The following TMCO1 variants were observed in gnomAD, a reference collection of about 807,000 sequenced individuals.
The protein encoded by TMCO1 is transmembrane and coiled-coil domains 1.
TMCO1 carries 29 observed loss-of-function variants against 29.3 expected under a neutral mutation model. The observed-to-expected ratio is 0.99, with a 90% confidence interval of 0.74 to 1.35. TMCO1 has a LOEUF of 1.35. TMCO1 is among the 40% of genes most tolerant of loss of function. The pLI is 0.00. For synonymous variants in TMCO1, 80 were observed against 77.1 expected (o/e 1.04, Z -0.20); for missense variants, 173 against 225.5 (o/e 0.77, Z 1.49).
At chr1:165,753,642 T>A (rs797021354) in intron 4 of TMCO1, among the ~76,000 whole-genome samples, 6 of 151,666 alleles carry the variant, frequency 4.0e-5, no homozygotes, top group African/African-American at 1.5e-4. Context: ...CAAGACCTCA[T>A]CTCTACAAAA....
chr1:165,725,014 CTCTCTCTCTCTATATA>C (rs781624880), downstream of TMCO1: 919 of 197,324 alleles, frequency 4.7e-3, 12 homozygotes, highest in African/African-American at 0.042. Flanking sequence ...CTCTCTCTCT[CTCTCTCTCTCTATATA>C]TATATATATA....
chr1:165,755,341 A>G (rs1290380439), intron 3 of TMCO1, among the ~76,000 whole-genome samples: 2 of 152,130 alleles, frequency 1.3e-5, no homozygotes, highest in African/African-American at 4.8e-5. Flanking sequence ...CAGGGCCCCA[A>G]ATATATTAAA....
downstream of TMCO1, chr1:165,724,534 T>G: frequency 2.2e-6 from 1 of 454,076 alleles, no homozygotes; most frequent in Non-Finnish European, 4.4e-6. Flanking sequence ...GGGAATTTGT[T>G]AGAGATGCAA....
At chr1:165,742,795 G>C (rs1019542900) in intron 6 of TMCO1, among the ~76,000 whole-genome samples, 1 of 152,130 alleles carries the variant, frequency 6.6e-6, no homozygotes, top group Non-Finnish European at 1.5e-5. Context: ...TTACCACATT[G>C]TTAAACTTAC....
In TMCO1 at chr1:165,730,168, AC is replaced by A. The variant is rs1558028418; in HGVS notation, c.469-2048del. Reference sequence around the variant, plus strand: ...AACCCCGTCTGTACTAAAAATACACACACACAAAAAAAAAAAAATTAGCCGG... The same window carrying A: ...AACCCCGTCTGTACTAAAAATACACAACACAAAAAAAAAAAAATTAGCCGG... On this transcript the variant is annotated intron_variant, in intron 6 of 6. Coordinates refer to ENST00000367881, the MANE Select transcript of TMCO1 (RefSeq NM_019026.6). 1.1e-4 allele frequency among the ~76,000 whole-genome samples: 12 copies of A among 107,586 alleles called. 2 individuals carry two copies. The highest frequency in any genetic ancestry group is 1.4e-4 in the Non-Finnish European group (7 of 51,382). The allele number at this position is 107,586 out of a possible 152,430, so 70.6% of individuals were successfully genotyped here.
rs756172758 is a variant in TMCO1, at chr1:165,768,689, G to A, written c.63C>T (p.Leu21=). Residue 21 remains leucine (L), a synonymous_variant, in exon 1 of 7, where the codon CTC becomes CTT. Transcript: ENST00000367881. The part of the protein sequence containing the change: ...IVFISVCTAL[L]AEGITWVLVY... The stretch of plus-strand genomic sequence containing the variant: ...AGAAATACCCGCTCTCACCCTCTGC[G>A]AGCAGAGCCGTGCACACAGAGATAA... The A allele has an allele frequency of 6.2e-7, 1 of 1,614,050 alleles. No individual in the cohort carries two copies. Among genetic ancestry groups the A allele is most frequent in the Non-Finnish European group, 8.5e-7 (1 of 1,180,010 alleles).
intron 6 of TMCO1, among the ~76,000 whole-genome samples, chr1:165,738,419 A>G (rs1651468004): frequency 6.6e-6 from 1 of 152,244 alleles, no homozygotes; most frequent in Non-Finnish European, 1.5e-5. Flanking sequence ...CTGACTATTC[A>G]TTTCGCAGGC....
intron 5 of TMCO1, among the ~76,000 whole-genome samples, chr1:165,746,944 C>T (rs73022544): frequency 0.013 from 2,022 of 152,126 alleles, 53 homozygotes; most frequent in African/African-American, 0.047. Context: ...AGGAAGATGT[C>T]CAATTAGAAA....
chr1:165,755,318 G>C (rs752217019), intron 3 of TMCO1, among the ~76,000 whole-genome samples: 4 of 152,142 alleles, frequency 2.6e-5, no homozygotes, highest in African/African-American at 7.2e-5. Flanking sequence ...GGCCTAGAAT[G>C]AGTGTATAAA....
At chr1:165,745,974 T>A (rs1185699835) in intron 5 of TMCO1, among the ~76,000 whole-genome samples, 2 of 151,884 alleles carry the variant, frequency 1.3e-5, no homozygotes, top group Non-Finnish European at 2.9e-5. Context: ...TTGCTGAAAA[T>A]AATATACATA....
intron 6 of TMCO1, among the ~76,000 whole-genome samples, chr1:165,735,806 C>T (rs912620892): frequency 8.5e-5 from 13 of 152,304 alleles, no homozygotes; most frequent in Admixed American, 4.6e-4. Context: ...TGAGCCACCA[C>T]GCCTGGGTCT....
At chr1:165,756,251 G>T (rs1652188132) in intron 3 of TMCO1, among the ~76,000 whole-genome samples, 1 of 152,112 alleles carries the variant, frequency 6.6e-6, no homozygotes, top group Non-Finnish European at 1.5e-5. Flanking sequence ...TATTCCTAAG[G>T]GGTTGGGAGT....
chr1:165,728,095 G>C lies in TMCO1; in HGVS notation c.495C>G (p.Ala165=). The C allele has an allele frequency of 6.2e-7, 1 of 1,608,660 alleles. No individual in the cohort carries two copies. Residue 165 remains alanine, a synonymous_variant, in exon 7 of 7, where the codon GCC becomes GCG. Transcript: ENST00000367881. ...CCTGCTTGGTGGCGGCTCGTGAAGG[G>C]GCAAGGCCGAGAATCTTCTGAATGT... ...RQNIQKILGL[A]PSRAATKQAG... is the part of the protein sequence containing the mutation.
chr1:165,767,015 A>G (rs1427590084), intron 2 of TMCO1, among the ~76,000 whole-genome samples: 1 of 152,194 alleles, frequency 6.6e-6, no homozygotes, highest in Non-Finnish European at 1.5e-5. Context: ...ATTAAGGAAC[A>G]GTAAGCTGTA....
chr1:165,736,617 A>G (rs1651397871), intron 6 of TMCO1, among the ~76,000 whole-genome samples: 1 of 151,282 alleles, frequency 6.6e-6, no homozygotes, highest in African/African-American at 2.4e-5. Flanking sequence ...GCTACTCAGG[A>G]GGCTGAGACA....
chr1:165,743,367 T>C (rs1651674192), intron 5 of TMCO1, 56 bp from the exon 6 acceptor site: 4 of 1,570,812 alleles, frequency 2.5e-6, no homozygotes, highest in Admixed American at 3.5e-5. Flanking sequence ...ACAACTTTCT[T>C]ACTTCCAAAG....
At chr1:165,738,612 A>G (rs1282821720) in intron 6 of TMCO1, among the ~76,000 whole-genome samples, 3 of 152,242 alleles carry the variant, frequency 2.0e-5, no homozygotes, top group Admixed American at 1.3e-4. Context: ...GGCATTTCAG[A>G]CTGGATATAT....
chr1:165,768,019 C>T (rs1028050566), intron 2 of TMCO1, among the ~76,000 whole-genome samples, 173 bp downstream of exon 2: 4 of 152,308 alleles, frequency 2.6e-5, no homozygotes, highest in South Asian at 2.1e-4. Flanking sequence ...TGCTACGCCC[C>T]TCACTTCCCT....
At chr1:165,755,880 T>C (rs768828609) in intron 3 of TMCO1, among the ~76,000 whole-genome samples, 17 of 152,098 alleles carry the variant, frequency 1.1e-4, no homozygotes, top group Non-Finnish European at 2.1e-4. Flanking sequence ...CCATGACCTA[T>C]GACATAAAAA....
Sources: allele counts gnomAD v4.1 joint callset (sites outside exome capture counted in the v4.1 genomes callset), GRCh38; gene constraint gnomAD v4.1.1; transcripts MANE v1.5; gene names NCBI Gene and HGNC (gene_info 2026-07-23, HGNC 2026-07-21).